Variants in CPNE4 observed in about 807,000 individuals in gnomAD.
CPNE4 encodes the protein copine-4.
Under a neutral mutation model 67.9 loss-of-function variants are expected in CPNE4, and 25 were observed. That is an observed-to-expected ratio of 0.37 (90% CI 0.27 to 0.51). The LOEUF is 0.51. CPNE4 is among the 20% of genes least tolerant of loss of function. CPNE4 has a pLI of 0.93. For synonymous variants in CPNE4, 242 were observed against 244.9 expected (o/e 0.99, Z 0.11); for missense variants, 464 against 690.8 (o/e 0.67, Z 3.68).
rs143080721 is a variant in CPNE4, at chr3:131,851,524, G to T, written c.180+53740C>A. On this transcript the variant is annotated intron_variant, in intron 2 of 15. Coordinates refer to ENST00000429747, the MANE Select transcript of CPNE4 (RefSeq NM_130808.3). ...GGGAGATTAACATGTCAGTAAAGAA[G>T]GGTTTGACTTCCATGCTCACATTTA... is the stretch of plus-strand genomic sequence containing the variant. 2.5e-3 allele frequency among the ~76,000 whole-genome samples: 388 copies of T among 152,164 alleles called. 2 individuals are homozygous for T. Among genetic ancestry groups the T allele is most frequent in the Non-Finnish European group, 4.8e-3 (323 of 67,972 alleles).
At chr3:131,709,844 A>C (rs2081515345) in intron 3 of CPNE4, among the ~76,000 whole-genome samples, 1 of 152,222 alleles carries the variant, frequency 6.6e-6, no homozygotes, top group African/African-American at 2.4e-5. Flanking sequence ...ACTTTTCTGG[A>C]TGTCTTTACA....
chr3:131,782,895 C>T (rs867316766), intron 2 of CPNE4, among the ~76,000 whole-genome samples: 11 of 152,000 alleles, frequency 7.2e-5, no homozygotes, highest in Admixed American at 6.6e-5. Flanking sequence ...TGCTGCTGAC[C>T]TTAGATAAGT....
At chr3:131,717,877 T>C (rs148650732) in intron 3 of CPNE4, among the ~76,000 whole-genome samples, 11,103 of 28,884 alleles carry the variant, frequency 0.38, 1,396 homozygotes, top group Middle Eastern at 0.5. Context: ...TTCTTTCTTT[T>C]CTTTCTTTCT....
At chr3:131,586,731 T>C (rs1373893197) in intron 8 of CPNE4, among the ~76,000 whole-genome samples, 1 of 94,326 alleles carries the variant, frequency 1.1e-5, no homozygotes, top group Non-Finnish European at 2.0e-5. Context: ...TCTCTATCTG[T>C]CTGTCTGTCT....
intron 2 of CPNE4, among the ~76,000 whole-genome samples, chr3:131,857,133 T>C (rs1453470508): frequency 6.6e-6 from 1 of 152,064 alleles, no homozygotes; most frequent in East Asian, 1.9e-4. Context: ...ATCATGTTCT[T>C]CTATCCTTCT....
intron 2 of CPNE4, among the ~76,000 whole-genome samples, chr3:131,778,794 G>C (rs774870928): frequency 1.3e-5 from 2 of 151,910 alleles, no homozygotes; most frequent in African/African-American, 4.8e-5. Flanking sequence ...ATACAAAACC[G>C]GTGCTGCCAC....
chr3:132,020,885 A>C (rs2073981727), intron 1 of CPNE4, among the ~76,000 whole-genome samples: 1 of 152,230 alleles, frequency 6.6e-6, no homozygotes. Flanking sequence ...AACAATAAAC[A>C]GTATGTTCTT....
intron 2 of CPNE4, among the ~76,000 whole-genome samples, chr3:131,746,307 T>G (rs1057304971): frequency 6.6e-6 from 1 of 152,114 alleles, no homozygotes; most frequent in African/African-American, 2.4e-5. Flanking sequence ...TTAGGTATTT[T>G]GAAATATGCA....
intron 2 of CPNE4, among the ~76,000 whole-genome samples, chr3:131,885,623 GC>G (rs1291216082): frequency 6.6e-6 from 1 of 151,698 alleles, no homozygotes; most frequent in Non-Finnish European, 1.5e-5. Flanking sequence ...CATTTGCCAT[GC>G]TGGTGTGCTG....
chr3:131,729,391 A>C (rs373625927), intron 2 of CPNE4, among the ~76,000 whole-genome samples: 2 of 152,250 alleles, frequency 1.3e-5, no homozygotes, highest in Admixed American at 6.5e-5. Flanking sequence ...GTAACTTCCA[A>C]GGAGACATAT....
chr3:131,929,294 G>C (rs1001290830), intron 1 of CPNE4, among the ~76,000 whole-genome samples: 2 of 150,950 alleles, frequency 1.3e-5, no homozygotes, highest in African/African-American at 4.9e-5. Flanking sequence ...ATTCATGCCA[G>C]ATAAGTAGAA....
rs150452777 is a variant in CPNE4, at chr3:131,757,277, C to T, written c.181-33652G>A. ...TTGTTGAATGGCTTTGCCCAAAATG[C>T]TGATAGCGATATAGACAATAAAATC... On this transcript the variant is annotated intron_variant, in intron 2 of 15. Coordinates refer to ENST00000429747, the MANE Select transcript of CPNE4 (RefSeq NM_130808.3). Among the ~76,000 whole-genome samples, 411 of 152,272 alleles carry T rather than the reference C, an allele frequency of 2.7e-3. 1 individual carries two copies. Among genetic ancestry groups the T allele is most frequent in the African/African-American group, 9.3e-3 (385 of 41,566 alleles).
At chr3:131,591,632 C>T (rs1418014342) in intron 7 of CPNE4, among the ~76,000 whole-genome samples, 1 of 152,194 alleles carries the variant, frequency 6.6e-6, no homozygotes, top group Non-Finnish European at 1.5e-5. Flanking sequence ...GGCAGTGCTG[C>T]TTACAGGGGT....
rs2088208246 is a variant in CPNE4, at chr3:131,893,691, TA to T, written c.180+11572del. 2.0e-5 allele frequency among the ~76,000 whole-genome samples: 3 copies of T among 151,926 alleles called. No homozygotes were observed. The South Asian group carries it at 6.2e-4, about 31-fold the overall frequency. On this transcript the variant is annotated intron_variant, in intron 2 of 15. Coordinates refer to ENST00000429747, the MANE Select transcript of CPNE4 (RefSeq NM_130808.3). ...AGAAACTGTACAAATACATGGAAAT[TA>T]AACAGCACGCTCTTAAACAACCAAT...
At chr3:131,638,607 G>T (rs2079455872) in intron 7 of CPNE4, among the ~76,000 whole-genome samples, 1 of 152,114 alleles carries the variant, frequency 6.6e-6, no homozygotes, top group Non-Finnish European at 1.5e-5. Context: ...GTGCTAGATA[G>T]GTCATCAAGA....
intron 2 of CPNE4, among the ~76,000 whole-genome samples, chr3:131,845,834 A>C (rs147291810): frequency 0.015 from 2,342 of 152,262 alleles, 30 homozygotes; most frequent in Middle Eastern, 0.075. Flanking sequence ...TGTGGCAGAG[A>C]TTGGACACTA....
chr3:131,713,581 G>T (rs953601471), intron 3 of CPNE4, among the ~76,000 whole-genome samples: 18 of 152,142 alleles, frequency 1.2e-4, no homozygotes, highest in African/African-American at 4.3e-4. Context: ...CAAAATGTTT[G>T]TTCTATAGAT....
intron 2 of CPNE4, among the ~76,000 whole-genome samples, chr3:131,818,401 A>G (rs72987709): frequency 0.055 from 8,338 of 152,184 alleles, 604 homozygotes; most frequent in African/African-American, 0.17. Flanking sequence ...TGTCACTAAT[A>G]GGTGTGAATT....
At chr3:131,636,055 T>G (rs994850007) in intron 7 of CPNE4, among the ~76,000 whole-genome samples, 1 of 83,454 alleles carries the variant, frequency 1.2e-5, no homozygotes, top group African/African-American at 1.5e-4. Context: ...CACTCCAGCC[T>G]GGGCGACAGA....
Sources: allele counts gnomAD v4.1 joint callset (sites outside exome capture counted in the v4.1 genomes callset), GRCh38; gene constraint gnomAD v4.1.1; transcripts MANE v1.5; gene names NCBI Gene and HGNC (gene_info 2026-07-23, HGNC 2026-07-21).